NFAM1: variants seen among roughly 807,000 people sequenced by gnomAD.
The protein encoded by NFAM1 is NFAT activating protein with ITAM motif 1.
Under a neutral mutation model 29.0 loss-of-function variants are expected in NFAM1, and 17 were observed. The ratio of observed to expected loss-of-function variants is 0.59; its 90% confidence interval spans 0.40 to 0.88. The LOEUF (loss-of-function observed/expected upper bound fraction) is 0.88, where lower values mean the gene tolerates loss of function less well. Among genes scored for constraint, NFAM1 ranks in the 40% least tolerant of loss-of-function variants. NFAM1 has a pLI of 0.00. For missense variants in NFAM1, 324 were observed against 344.6 expected (o/e 0.94, Z 0.47); for synonymous variants, 175 against 147.2 (o/e 1.19, Z -1.36).
At chr22:42,389,735 G>A (rs1024791120) in intron 4 of NFAM1, among the ~76,000 whole-genome samples, 3 of 151,884 alleles carry the variant, frequency 2.0e-5, no homozygotes, top group Non-Finnish European at 4.4e-5. Context: ...TGGGATCCAG[G>A]CCCCCCAGGC....
chr22:42,411,723 C>A lies in NFAM1; in HGVS notation c.135G>T (p.Val45=). ...CCATGATGGGCAGGCCGGTGTGGGT[C>A]ACTGACTGTCCTCCTGGAGGGGAAG... ...GTLRLAGGQS[V]THTGLPIMAS... is the part of the protein sequence containing the mutation. Residue 45 remains valine (V), a synonymous_variant, in exon 2 of 6, where the codon GTG becomes GTT. Transcript: ENST00000329021. The A allele has an allele frequency of 6.2e-7, 1 of 1,613,182 alleles. No homozygotes were observed.
intron 4 of NFAM1, among the ~76,000 whole-genome samples, chr22:42,392,194 C>T (rs1366460528): frequency 6.6e-6 from 1 of 152,036 alleles, no homozygotes; most frequent in Non-Finnish European, 1.5e-5. Context: ...GTTCAGGGTT[C>T]CACTGGTTCT....
At chr22:42,394,971 C>A (rs534584033) in intron 4 of NFAM1, among the ~76,000 whole-genome samples, 1 of 152,002 alleles carries the variant, frequency 6.6e-6, no homozygotes, top group Admixed American at 6.6e-5. Flanking sequence ...TTAAAAAACT[C>A]AAAACCAGCC....
At chr22:42,387,142 A>G in intron 4 of NFAM1, 64 bp from the exon 5 acceptor site, 1 of 968,260 alleles carries the variant, frequency 1.0e-6, no homozygotes, top group Non-Finnish European at 1.6e-6. Context: ...TGGCCCCAGC[A>G]GCCAGCCCCC....
In NFAM1 at chr22:42,388,046, C is replaced by A. The variant is rs1929210436; in HGVS notation, c.664-968G>T. Among the ~76,000 whole-genome samples, 2 of 152,232 alleles carry A rather than the reference C, an allele frequency of 1.3e-5. No individual in the cohort carries two copies. Among genetic ancestry groups the A allele is most frequent in the African/African-American group, 4.8e-5 (2 of 41,470 alleles). On this transcript the variant is annotated intron_variant, in intron 4 of 5. Coordinates refer to ENST00000329021, the MANE Select transcript of NFAM1 (RefSeq NM_145912.8). This position sits in a 1 kb window ranked among gnomAD's most constrained non-coding sequence, Gnocchi z 4.1. The stretch of plus-strand genomic sequence containing the variant: ...ACAGCTGTGCTTGGCACAAAGGGAG[C>A]AGCACCAAATGAGCTATGGTAAGGG...
intron 1 of NFAM1, among the ~76,000 whole-genome samples, chr22:42,421,812 A>T (rs898163565): frequency 1.3e-5 from 2 of 152,226 alleles, no homozygotes; most frequent in Admixed American, 6.5e-5. Flanking sequence ...TTTGCCCTCC[A>T]ATTTAATTCT....
At chr22:42,420,352 G>C (rs1930406887) in intron 1 of NFAM1, among the ~76,000 whole-genome samples, 2 of 152,102 alleles carry the variant, frequency 1.3e-5, no homozygotes. Context: ...CATGCCTGTA[G>C]TCCTAGCTAC....
Position 42,384,895 on chromosome 22 carries a change from C to T in NFAM1, c.*266G>A. 1.8e-6 allele frequency: 1 copy of T among 560,870 alleles called. No homozygotes were observed. Among genetic ancestry groups the T allele is most frequent in the Non-Finnish European group, 3.2e-6 (1 of 311,232 alleles). 34.7% of individuals were successfully genotyped at this position (560,870 alleles called of 1,614,324 possible). On this transcript the variant is annotated 3_prime_UTR_variant, in exon 6 of 6. Transcript: ENST00000329021. The stretch of plus-strand genomic sequence containing the variant: ...GAAAGCCCTTGAAGACTGAGGGGCG[C>T]TTTGCTGGTTGGGCCAAGGGAGGAA...
chr22:42,423,152 C>A (rs1036628321), intron 1 of NFAM1, among the ~76,000 whole-genome samples: 1 of 138,858 alleles, frequency 7.2e-6, no homozygotes, highest in African/African-American at 2.8e-5. Flanking sequence ...GGGGAACAGA[C>A]CCCCCAGAGA....
intron 2 of NFAM1, among the ~76,000 whole-genome samples, chr22:42,411,172 T>C (rs1930075041): frequency 6.6e-6 from 1 of 151,940 alleles, no homozygotes; most frequent in African/African-American, 2.4e-5. Context: ...TACAGGCACC[T>C]GCCACCATGC....
rs967875878 is a variant in NFAM1 at position 42,388,928 on chromosome 22, G to A, written c.664-1850C>T. Among the ~76,000 whole-genome samples the A allele has an allele frequency of 6.6e-6, 1 of 152,190 alleles. No homozygotes were observed. ...AAACTTCCAAGTCCTGCCCTGCCTT[G>A]TGCGGCCTTCGTGCCTGTCCGGAGC... On this transcript the variant is annotated intron_variant, in intron 4 of 5. Coordinates refer to ENST00000329021, the MANE Select transcript of NFAM1 (RefSeq NM_145912.8). This position sits in a 1 kb window ranked among gnomAD's most constrained non-coding sequence, Gnocchi z 4.1.
chr22:42,410,411 A>G (rs1334828056), intron 2 of NFAM1: 1 of 376,450 alleles, frequency 2.7e-6, no homozygotes, highest in East Asian at 1.0e-4. Flanking sequence ...TGTAATCCCA[A>G]CACTCTTGGA....
Position 42,391,465 on chromosome 22 carries a change from G to A in NFAM1, c.664-4387C>T, listed in dbSNP as rs117199695. Among the ~76,000 whole-genome samples the A allele has an allele frequency of 5.0e-4, 76 of 152,306 alleles. No homozygotes were observed. The East Asian group carries it at 0.014, about 29-fold the overall frequency. ...ACGGGAGTGGCTCCCACCAGTGTTAGCGCTGGGGCAGTGAGAAGGGCTGGA... is the reference window on the plus strand; with the variant it reads ...ACGGGAGTGGCTCCCACCAGTGTTAACGCTGGGGCAGTGAGAAGGGCTGGA... On this transcript the variant is annotated intron_variant, in intron 4 of 5. Coordinates refer to ENST00000329021, the MANE Select transcript of NFAM1 (RefSeq NM_145912.8).
intron 1 of NFAM1, among the ~76,000 whole-genome samples, chr22:42,416,461 TCA>T (rs1212917445): frequency 9.9e-5 from 15 of 152,132 alleles, no homozygotes; most frequent in South Asian, 4.1e-4. Flanking sequence ...CAGGGGGTGC[TCA>T]CATTGGCACT....
chr22:42,402,462 C>T (rs1434655018), intron 3 of NFAM1, among the ~76,000 whole-genome samples: 1 of 152,114 alleles, frequency 6.6e-6, no homozygotes, highest in Non-Finnish European at 1.5e-5. Context: ...ACACACAGAG[C>T]GCGGAAGGGC....
intron 1 of NFAM1, among the ~76,000 whole-genome samples, chr22:42,422,595 G>A (rs1930483392): frequency 6.6e-6 from 1 of 151,916 alleles, no homozygotes; most frequent in Non-Finnish European, 1.5e-5. Flanking sequence ...GTGAGACTCT[G>A]TCTCAAAACA....
chr22:42,386,390 CAA>C (rs1555968119), intron 5 of NFAM1, among the ~76,000 whole-genome samples: 2 of 144,234 alleles, frequency 1.4e-5, no homozygotes, highest in African/African-American at 2.7e-5. Context: ...AAAACAAAAA[CAA>C]ACAAACACAC....
rs1393402456 is a variant in NFAM1, at chr22:42,383,414, A to G, written c.*1747T>C. The stretch of plus-strand genomic sequence containing the variant: ...ACACCTGGCAGCTTCACCTCCCCAA[A>G]CAGGCCCGGAGTTCATTCAAATCCA... On this transcript the variant is annotated 3_prime_UTR_variant, in exon 6 of 6. Transcript: ENST00000329021. 2 of 152,654 alleles carry G rather than the reference A, an allele frequency of 1.3e-5. No homozygotes were observed. The highest frequency in any genetic ancestry group is 3.2e-3 in the Middle Eastern group (1 of 316). 9.5% of individuals were successfully genotyped at this position (152,654 alleles called of 1,614,324 possible). A position where few individuals can be genotyped will look rare whatever the true frequency, so the allele number is the denominator to read the frequency against.
At chr22:42,392,440 G>A (rs1929376414) in intron 4 of NFAM1, among the ~76,000 whole-genome samples, 1 of 152,116 alleles carries the variant, frequency 6.6e-6, no homozygotes. Flanking sequence ...CGAAGAGGAG[G>A]GTTGCAAGCC....
Sources: allele counts gnomAD v4.1 joint callset (sites outside exome capture counted in the v4.1 genomes callset), GRCh38; gene constraint gnomAD v4.1.1; non-coding constraint Gnocchi (gnomAD v3.1); transcripts MANE v1.5; gene names NCBI Gene and HGNC (gene_info 2026-07-23, HGNC 2026-07-21).